The following FBXL2 variants were observed in gnomAD, a reference collection of about 807,000 sequenced individuals.
FBXL2 encodes the protein F-box and leucine rich repeat protein 2.
In FBXL2, 38 loss-of-function variants were observed where a neutral mutation model predicts 69.2. The ratio of observed to expected loss-of-function variants is 0.55; its 90% CI spans 0.42 to 0.72. The LOEUF (loss-of-function observed/expected upper bound fraction) is 0.72. FBXL2 is among the 30% of genes least tolerant of loss of function. The pLI is 0.00. For missense variants in FBXL2, 354 were observed against 520.3 expected (o/e 0.68, Z 3.11); for synonymous variants, 192 against 201.3 (o/e 0.95, Z 0.39).
At position 33,378,113 on chromosome 3, in the gene FBXL2, A is replaced by C; in HGVS notation, c.860A>C (p.Glu287Ala). Residue 287 changes from glutamate (E) to alanine (A), a missense_variant, in exon 12 of 15, where the codon GAA (glutamate) becomes GCA (alanine). By Grantham distance (107) the Glu-to-Ala change is moderately radical (BLOSUM62 -1). Coordinates refer to ENST00000484457, the MANE Select transcript of FBXL2 (RefSeq NM_012157.5). ...GFTLLARNCHELEKMDLEECI... is the reference protein window; with the variant it reads ...GFTLLARNCHALEKMDLEECI... ...TGTGGACTCTTCCAGAATTGCCACG[A>C]ATTGGAGAAGATGGATCTTGAAGAA... 2 of 1,614,184 alleles carry C rather than the reference A, an allele frequency of 1.2e-6. No individual in the cohort carries two copies. The highest frequency in any genetic ancestry group is 4.5e-5 in the East Asian group (2 of 44,880).
downstream of FBXL2, among the ~76,000 whole-genome samples, chr3:33,407,969 C>A (rs894437624): frequency 6.6e-6 from 1 of 152,172 alleles, no homozygotes; most frequent in Non-Finnish European, 1.5e-5. Context: ...ATTTGCTATA[C>A]TTAACTGGAC....
intron 1 of FBXL2, among the ~76,000 whole-genome samples, chr3:33,278,555 A>G (rs1019053775): frequency 2.0e-5 from 3 of 152,156 alleles, no homozygotes; most frequent in African/African-American, 7.2e-5. Flanking sequence ...TGGAGAAAAA[A>G]CTATCATTAG....
At chr3:33,287,208 CATT>C (rs1209583695) in intron 1 of FBXL2, among the ~76,000 whole-genome samples, 1 of 152,070 alleles carries the variant, frequency 6.6e-6, no homozygotes, top group African/African-American at 2.4e-5. Flanking sequence ...AGTTTTTTGT[CATT>C]ATATGACACA....
downstream of FBXL2, chr3:33,392,444 TTTC>T: frequency 2.3e-6 from 2 of 863,388 alleles, no homozygotes; most frequent in South Asian, 2.1e-5. Flanking sequence ...TTTATCAAAC[TTTC>T]TTCTTAAAAT....
At chr3:33,345,206 A>C (rs1559577985) in intron 2 of FBXL2, among the ~76,000 whole-genome samples, 1 of 152,144 alleles carries the variant, frequency 6.6e-6, no homozygotes, top group Non-Finnish European at 1.5e-5. Flanking sequence ...CTAGGGGAGA[A>C]TCCATTCTTT....
At chr3:33,374,249 CT>C (rs545946060) in intron 9 of FBXL2, among the ~76,000 whole-genome samples, 2 of 151,472 alleles carry the variant, frequency 1.3e-5, no homozygotes, top group Admixed American at 6.6e-5. Flanking sequence ...CATGAAGTGT[CT>C]TTTTTTTTAA....
Position 33,402,684 on chromosome 3 carries a change from C to G in FBXL2, n.1215-550C>G, listed in dbSNP as rs185320961. 3.2e-4 allele frequency: 219 copies of G among 677,228 alleles called. 1 individual carries two copies. The Middle Eastern group carries it at 0.013, about 39-fold the overall frequency. The allele number at this position is 677,228 out of a possible 1,614,324, so 42.0% of individuals were successfully genotyped here. ...GCCACCAAGATACAGGATACTTCCC[C>G]TTACTGTTTCCTTTAGGTACAATAC... On this transcript the variant is annotated intron_variant and non_coding_transcript_variant, in intron 12 of 12. Coordinates refer to the FBXL2 transcript ENST00000463736.
chr3:33,411,238 A>G, the FBXL2 span, among the ~76,000 whole-genome samples: 1 of 152,212 alleles, frequency 6.6e-6, no homozygotes, highest in African/African-American at 2.4e-5. Context: ...ATAATGCTAG[A>G]AGGAATTTTA....
At chr3:33,302,381 G>A (rs974395999) in intron 2 of FBXL2, among the ~76,000 whole-genome samples, 9 of 152,090 alleles carry the variant, frequency 5.9e-5, no homozygotes. Context: ...AAAAAAGATA[G>A]TCTCTTGGAG....
At chr3:33,277,935 A>G (rs914246625) in intron 1 of FBXL2, among the ~76,000 whole-genome samples, 38 of 152,270 alleles carry the variant, frequency 2.5e-4, no homozygotes, top group African/African-American at 8.9e-4. Flanking sequence ...TTTTGTTTCT[A>G]TGCAGTTATG....
intron 12 of FBXL2, among the ~76,000 whole-genome samples, chr3:33,398,735 G>A (rs1057261587): frequency 3.9e-5 from 6 of 152,222 alleles, no homozygotes; most frequent in African/African-American, 1.4e-4. Context: ...TCACCAGATA[G>A]AAACATGGAT....
intron 5 of FBXL2, among the ~76,000 whole-genome samples, chr3:33,371,074 A>G (rs1466435984): frequency 6.6e-6 from 1 of 150,868 alleles, no homozygotes; most frequent in Non-Finnish European, 1.5e-5. Context: ...TGCTATTGCT[A>G]TGTCTTCAAG....
chr3:33,290,027 A>T (rs2035065020), intron 1 of FBXL2, among the ~76,000 whole-genome samples: 1 of 152,152 alleles, frequency 6.6e-6, no homozygotes, highest in Admixed American at 6.5e-5. Flanking sequence ...AAGGCACAGA[A>T]AGCAGAAGGT....
chr3:33,355,541 TGAA>T (rs1408952468), intron 2 of FBXL2, among the ~76,000 whole-genome samples: 6 of 152,310 alleles, frequency 3.9e-5, no homozygotes, highest in Admixed American at 2.6e-4. Flanking sequence ...ATAATCTTGA[TGAA>T]GAAGAACAAA....
At chr3:33,332,830 A>G (rs1416466335) in intron 2 of FBXL2, among the ~76,000 whole-genome samples, 2 of 152,252 alleles carry the variant, frequency 1.3e-5, no homozygotes, top group African/African-American at 4.8e-5. Context: ...TAGGATCACC[A>G]TCATATATGT....
chr3:33,385,362 A>G, intron 14 of FBXL2, 139 bp from the exon 15 acceptor site: 1 of 792,840 alleles, frequency 1.3e-6, no homozygotes, highest in Admixed American at 1.9e-5. Context: ...TAACAGGAGT[A>G]GCTCTAATCT....
At chr3:33,409,096 TCC>T in the FBXL2 span, 1 of 833,158 alleles carries the variant, frequency 1.2e-6, no homozygotes, top group Non-Finnish European at 1.9e-6. Flanking sequence ...TTAAATATTT[TCC>T]CCAGAAATTT....
At chr3:33,305,162 G>A (rs1028957302) in intron 2 of FBXL2, among the ~76,000 whole-genome samples, 4 of 151,476 alleles carry the variant, frequency 2.6e-5, no homozygotes, top group South Asian at 2.1e-4. Context: ...TATGCTTAGC[G>A]TTTTTTGTGC....
intron 1 of FBXL2, among the ~76,000 whole-genome samples, chr3:33,292,043 C>G (rs1027980693): frequency 1.3e-5 from 2 of 152,082 alleles, no homozygotes; most frequent in Non-Finnish European, 2.9e-5. Flanking sequence ...AAACAAGGAT[C>G]ATTTCTAGAA....
Sources: allele counts gnomAD v4.1 joint callset (sites outside exome capture counted in the v4.1 genomes callset), GRCh38; gene constraint gnomAD v4.1.1; transcripts MANE v1.5; gene names NCBI Gene and HGNC (gene_info 2026-07-23, HGNC 2026-07-21).